Variants in ZNF385D observed in about 807,000 individuals in gnomAD.
The protein encoded by ZNF385D is zinc finger protein 659.
In ZNF385D, 15 loss-of-function variants were observed where a neutral mutation model predicts 35.8. The ratio of observed to expected loss-of-function variants is 0.42; its 90% CI spans 0.28 to 0.64. The LOEUF (loss-of-function observed/expected upper bound fraction) is 0.64, where lower values mean the gene tolerates loss of function less well. ZNF385D is among the 30% of genes least tolerant of loss of function. ZNF385D has a pLI of 0.23. For missense variants in ZNF385D, 474 were observed against 494.6 expected (o/e 0.96, Z 0.39); for synonymous variants, 212 against 186.8 (o/e 1.13, Z -1.10).
At chr3:22,109,974 G>A (rs751766518) in intron 3 of ZNF385D, among the ~76,000 whole-genome samples, 10 of 152,206 alleles carry the variant, frequency 6.6e-5, no homozygotes, top group Admixed American at 1.3e-4. Context: ...ACAAGTGGGC[G>A]AAGGATATGA....
At chr3:22,089,670 G>T (rs1701223802) in intron 3 of ZNF385D, among the ~76,000 whole-genome samples, 1 of 152,040 alleles carries the variant, frequency 6.6e-6, no homozygotes, top group Non-Finnish European at 1.5e-5. Flanking sequence ...AGTAAGGGGG[G>T]GATTTCCAGT....
chr3:22,231,118 G>C (rs141189067), intron 2 of ZNF385D, among the ~76,000 whole-genome samples: 232 of 152,162 alleles, frequency 1.5e-3, no homozygotes, highest in African/African-American at 5.3e-3. Flanking sequence ...TTCAACAATA[G>C]GAACAGGGCA....
At chr3:22,147,414 T>C (rs1240646616) in intron 3 of ZNF385D, among the ~76,000 whole-genome samples, 1 of 152,186 alleles carries the variant, frequency 6.6e-6, no homozygotes, top group Non-Finnish European at 1.5e-5. Context: ...GTTCCACGAA[T>C]GCTATCCTGA....
At chr3:21,750,616 T>A (rs1176809126) in intron 1 of ZNF385D, among the ~76,000 whole-genome samples, 1 of 152,128 alleles carries the variant, frequency 6.6e-6, no homozygotes, top group African/African-American at 2.4e-5. Flanking sequence ...AAGAGCCAAC[T>A]TCATTCAGGC....
chr3:22,233,499 T>G (rs924817177), intron 2 of ZNF385D, among the ~76,000 whole-genome samples: 14 of 152,184 alleles, frequency 9.2e-5, no homozygotes, highest in African/African-American at 3.4e-4. Flanking sequence ...GGTAGTCCCA[T>G]GGTGTATATA....
At chr3:22,294,726 A>G (rs1422502366) in intron 2 of ZNF385D, among the ~76,000 whole-genome samples, 1 of 152,144 alleles carries the variant, frequency 6.6e-6, no homozygotes, top group Non-Finnish European at 1.5e-5. Context: ...AAAGAAAGAA[A>G]ACAAGTTAAT....
intron 3 of ZNF385D, among the ~76,000 whole-genome samples, chr3:22,074,741 G>A (rs969377576): frequency 9.2e-5 from 14 of 151,726 alleles, no homozygotes; most frequent in African/African-American, 2.9e-4. Flanking sequence ...TGGTCTTCCC[G>A]ACACTGTTCA....
In ZNF385D at chr3:21,594,167, A is replaced by T. The variant is rs1297950107; in HGVS notation, c.166-29483T>A. Among the ~76,000 whole-genome samples the T allele has an allele frequency of 3.3e-5, 5 of 152,296 alleles. No individual in the cohort carries two copies. The East Asian group carries it at 9.7e-4, about 29-fold the overall frequency. Reference sequence around the variant, plus strand: ...AATTCTAAAAGTTGTTCTTTTATCAATTAAAACCATAGGGGTTTCTGTATA... The same window carrying T: ...AATTCTAAAAGTTGTTCTTTTATCATTTAAAACCATAGGGGTTTCTGTATA... On this transcript the variant is annotated intron_variant, in intron 2 of 7. Coordinates refer to ENST00000281523, the MANE Select transcript of ZNF385D (RefSeq NM_024697.3).
chr3:22,071,654 C>G (rs554809196), intron 3 of ZNF385D, among the ~76,000 whole-genome samples: 1 of 152,042 alleles, frequency 6.6e-6, no homozygotes, highest in Non-Finnish European at 1.5e-5. Context: ...TAGAAAATAT[C>G]CCTGATTATT....
intron 3 of ZNF385D, among the ~76,000 whole-genome samples, chr3:21,525,504 G>A (rs1708168170): frequency 6.6e-6 from 1 of 151,798 alleles, no homozygotes; most frequent in South Asian, 2.1e-4. Context: ...CCTCAACATG[G>A]AGAAACCCCG....
intron 2 of ZNF385D, among the ~76,000 whole-genome samples, chr3:21,631,134 T>A (rs13087501): frequency 0.14 from 21,637 of 152,088 alleles, 1,607 homozygotes; most frequent in Admixed American, 0.17. Context: ...GAGGTATACA[T>A]ACTCACATGA....
At chr3:22,282,202 GTTTCA>G (rs1292603664) in intron 2 of ZNF385D, among the ~76,000 whole-genome samples, 2 of 151,674 alleles carry the variant, frequency 1.3e-5, no homozygotes, top group Non-Finnish European at 2.9e-5. Context: ...TCAGCTTTTT[GTTTCA>G]TTTATCTGTT....
At chr3:22,199,697 G>T (rs139816403) in intron 2 of ZNF385D, among the ~76,000 whole-genome samples, 39 of 152,218 alleles carry the variant, frequency 2.6e-4, no homozygotes, top group Non-Finnish European at 3.4e-4. Flanking sequence ...AAAATTTTAA[G>T]TCAATTTCCT....
chr3:21,985,628 C>CT (rs1184667710), intron 3 of ZNF385D, among the ~76,000 whole-genome samples: 1 of 143,142 alleles, frequency 7.0e-6, no homozygotes, highest in Non-Finnish European at 1.5e-5. Context: ...CTAAAATTCT[C>CT]TTTTTTGGTT....
At chr3:21,602,512 A>ATTTTTTTTTTTTTTTTT (rs199882061) in intron 2 of ZNF385D, among the ~76,000 whole-genome samples, 7 of 90,204 alleles carry the variant, frequency 7.8e-5, no homozygotes, top group Admixed American at 1.1e-4. Context: ...GTTTCCCTGC[A>ATTTTTTTTTTTTTTTTT]TTTTCTTTTT....
chr3:22,058,877 C>T (rs1437360631), intron 3 of ZNF385D, among the ~76,000 whole-genome samples: 2 of 152,172 alleles, frequency 1.3e-5, no homozygotes, highest in Admixed American at 1.3e-4. Context: ...CACTATCCAC[C>T]TCCATAGCAA....
At chr3:22,000,913 T>C (rs567721512) in intron 3 of ZNF385D, among the ~76,000 whole-genome samples, 350 of 152,108 alleles carry the variant, frequency 2.3e-3, no homozygotes, top group African/African-American at 8.0e-3. Context: ...GTTTTTTTTT[T>C]TCTACATCAG....
At chr3:22,272,330 A>G (rs1408527797) in intron 2 of ZNF385D, among the ~76,000 whole-genome samples, 2 of 152,024 alleles carry the variant, frequency 1.3e-5, no homozygotes, top group African/African-American at 2.4e-5. Context: ...TATTGGAGAT[A>G]TATCTCCAAT....
chr3:21,924,922 G>A (rs1182450026), intron 3 of ZNF385D, among the ~76,000 whole-genome samples: 3 of 152,128 alleles, frequency 2.0e-5, no homozygotes, highest in Non-Finnish European at 4.4e-5. Context: ...TGCTACAGTA[G>A]TGTCAGAGGA....
Sources: allele counts gnomAD v4.1 joint callset (sites outside exome capture counted in the v4.1 genomes callset), GRCh38; gene constraint gnomAD v4.1.1; transcripts MANE v1.5; gene names NCBI Gene and HGNC (gene_info 2026-07-23, HGNC 2026-07-21).